NCAM1: variants seen among roughly 807,000 people sequenced by gnomAD.
NCAM1 encodes the protein antigen recognized by monoclonal antibody 5.1H11.
A neutral mutation model predicts 109.8 loss-of-function variants in NCAM1; 14 were observed. That is an observed-to-expected ratio of 0.13 (90% CI 0.08 to 0.20). The LOEUF (loss-of-function observed/expected upper bound fraction) is 0.20. Ranked by LOEUF, NCAM1 falls within the 10% of genes least tolerant of loss-of-function variation. NCAM1 has a pLI of 1.00. For missense variants in NCAM1, 774 were observed against 1,109.9 expected (o/e 0.70, Z 4.30); for synonymous variants, 418 against 442.9 (o/e 0.94, Z 0.70).
At chr11:112,974,065 G>T (rs1339956182) in intron 1 of NCAM1, among the ~76,000 whole-genome samples, 1 of 152,082 alleles carries the variant, frequency 6.6e-6, no homozygotes, top group Admixed American at 6.6e-5. Context: ...AATAATGGTT[G>T]CTGCTAAAGA....
chr11:113,178,347 G>C (rs1943231447), intron 1 of NCAM1, among the ~76,000 whole-genome samples: 1 of 152,156 alleles, frequency 6.6e-6, no homozygotes, highest in Admixed American at 6.5e-5. Context: ...TTAATGTGTT[G>C]ACTTAAAAAA....
chr11:113,227,108 CA>C (rs545846680), intron 9 of NCAM1, among the ~76,000 whole-genome samples: 7 of 151,822 alleles, frequency 4.6e-5, no homozygotes, highest in Non-Finnish European at 8.8e-5. Context: ...GACAGAGACA[CA>C]AAAAACCCTT....
chr11:113,076,710 G>GA (rs1227840406), intron 1 of NCAM1, among the ~76,000 whole-genome samples: 2 of 152,006 alleles, frequency 1.3e-5, no homozygotes, highest in African/African-American at 4.8e-5. Flanking sequence ...CTCCCTTCTG[G>GA]AAAAAAATAT....
At chr11:113,226,839 A>G (rs1394626011) in intron 9 of NCAM1, among the ~76,000 whole-genome samples, 17 of 152,248 alleles carry the variant, frequency 1.1e-4, no homozygotes, top group African/African-American at 3.9e-4. Flanking sequence ...TACTGGGTAC[A>G]TAACGAAATG....
intron 17 of NCAM1, among the ~76,000 whole-genome samples, chr11:113,268,199 C>T (rs72995548): frequency 0.035 from 5,281 of 152,318 alleles, 147 homozygotes; most frequent in Non-Finnish European, 0.057. Context: ...TGTGTGAGGA[C>T]TCTGGGGAAG....
At chr11:113,158,716 TTAAC>T (rs1193926114) in intron 1 of NCAM1, among the ~76,000 whole-genome samples, 3 of 152,212 alleles carry the variant, frequency 2.0e-5, no homozygotes, top group African/African-American at 7.2e-5. Flanking sequence ...TTCTCATTAA[TTAAC>T]ATGTTTTGCT....
chr11:113,020,785 T>C (rs1952358387), intron 1 of NCAM1, among the ~76,000 whole-genome samples: 1 of 152,116 alleles, frequency 6.6e-6, no homozygotes, highest in Non-Finnish European at 1.5e-5. Context: ...GGAAGGGGTC[T>C]CACCTTGTCG....
chr11:113,135,811 C>G (rs1555099285), intron 1 of NCAM1, among the ~76,000 whole-genome samples: 1 of 152,170 alleles, frequency 6.6e-6, no homozygotes, highest in Non-Finnish European at 1.5e-5. Flanking sequence ...TCTTGAAGAT[C>G]AGTAATGGGG....
intron 15 of NCAM1, among the ~76,000 whole-genome samples, chr11:113,248,352 A>G (rs1296436915): frequency 6.6e-6 from 1 of 152,150 alleles, no homozygotes; most frequent in African/African-American, 2.4e-5. Context: ...GGCAAGCTGA[A>G]GACTTATTCA....
intron 1 of NCAM1, among the ~76,000 whole-genome samples, chr11:113,008,383 T>G (rs1447545673): frequency 6.6e-6 from 1 of 152,080 alleles, no homozygotes; most frequent in Non-Finnish European, 1.5e-5. Flanking sequence ...AAAAGCAAAG[T>G]GGTAATACAT....
At chr11:113,064,514 ATT>A (rs527739410) in intron 1 of NCAM1, among the ~76,000 whole-genome samples, 25 of 151,982 alleles carry the variant, frequency 1.6e-4, no homozygotes, top group African/African-American at 6.0e-4. Context: ...CTTAAACTAT[ATT>A]TTTTTTATTA....
chr11:112,987,532 A>C (rs1555069876), intron 1 of NCAM1, among the ~76,000 whole-genome samples: 2 of 152,140 alleles, frequency 1.3e-5, no homozygotes, highest in Non-Finnish European at 2.9e-5. Context: ...ATTTCCCTTC[A>C]GATCTATTAA....
intron 19 of NCAM1, among the ~76,000 whole-genome samples, chr11:113,272,688 G>A (rs544774756): frequency 3.3e-5 from 5 of 152,128 alleles, no homozygotes; most frequent in Non-Finnish European, 7.4e-5. Flanking sequence ...CATCAGCAGG[G>A]AAGGGCTAGC....
At chr11:113,171,606 C>T (rs1365797416) in intron 1 of NCAM1, among the ~76,000 whole-genome samples, 1 of 151,826 alleles carries the variant, frequency 6.6e-6, no homozygotes, top group Non-Finnish European at 1.5e-5. Flanking sequence ...TGCACTGCAG[C>T]CTAGGCGACA....
intron 1 of NCAM1, among the ~76,000 whole-genome samples, chr11:112,965,259 A>T: frequency 6.6e-6 from 1 of 152,080 alleles, no homozygotes; most frequent in East Asian, 1.9e-4. Context: ...AAAAAATCCC[A>T]CATCAAAACT....
At chr11:113,231,930 T>C (rs1021946851) in intron 10 of NCAM1, 135 bp downstream of exon 10, 1 of 1,267,528 alleles carries the variant, frequency 7.9e-7, no homozygotes, top group Non-Finnish European at 1.1e-6. Context: ...CCCTGGGCTA[T>C]TTCAGAGCTC....
At position 113,216,343 on chromosome 11, in the gene NCAM1, G is replaced by A. The variant is rs1351022738; in HGVS notation, c.1059+1832G>A. The stretch of plus-strand genomic sequence containing the variant: ...TTTTTTTTGTATTTTTAGTAGAGAC[G>A]GGGTTTCACCGTGTTAGCCAGGATG... On this transcript the variant is annotated intron_variant, in intron 8 of 19. Transcript: ENST00000316851. 5.9e-5 allele frequency among the ~76,000 whole-genome samples: 9 copies of A among 151,618 alleles called. No individual in the cohort carries two copies. In the East Asian group the frequency reaches 1.6e-3, roughly 26 times the overall value.
intron 1 of NCAM1, among the ~76,000 whole-genome samples, chr11:113,185,079 T>TATAGAGAG: frequency 4.8e-5 from 6 of 125,760 alleles, no homozygotes; most frequent in African/African-American, 1.6e-4. Flanking sequence ...TATATATATA[T>TATAGAGAG]AGAGAGAGAG....
intron 1 of NCAM1, among the ~76,000 whole-genome samples, chr11:113,163,403 G>A (rs1242289795): frequency 6.6e-6 from 1 of 152,204 alleles, no homozygotes; most frequent in African/African-American, 2.4e-5. Flanking sequence ...TCTTCACCCA[G>A]GGGAATAGGA....
Sources: gnomAD v4.1 joint callset for allele counts (sites outside exome capture counted in the v4.1 genomes callset) on GRCh38, gnomAD v4.1.1 for gene constraint, MANE v1.5 for transcripts, NCBI Gene and HGNC (gene_info 2026-07-23, HGNC 2026-07-21) for gene names.